The following PDE1C variants were observed in gnomAD, a reference collection of about 807,000 sequenced individuals.
PDE1C encodes the protein phosphodiesterase 1C.
A neutral mutation model predicts 93.1 loss-of-function variants in PDE1C; 62 were observed. The ratio of observed to expected loss-of-function variants is 0.67; its 90% CI spans 0.54 to 0.82. The LOEUF (loss-of-function observed/expected upper bound fraction) is 0.82, where lower values mean the gene tolerates loss of function less well. PDE1C is among the 40% of genes least tolerant of loss of function. The probability of loss-of-function intolerance (pLI) is 0.00; values close to 1 mark genes in which losing one functional copy is unlikely to be tolerated. For synonymous variants in PDE1C, 325 were observed against 310.1 expected (o/e 1.05, Z -0.50); for missense variants, 742 against 884.6 (o/e 0.84, Z 2.04).
chr7:32,242,127 T>G (rs1808583854), intron 1 of PDE1C, among the ~76,000 whole-genome samples: 1 of 152,142 alleles, frequency 6.6e-6, no homozygotes, highest in Non-Finnish European at 1.5e-5. Flanking sequence ...AATGAGGCAG[T>G]AAGCATGGTT....
In PDE1C at chr7:32,134,949, T is replaced by C. The variant is rs571774107; in HGVS notation, c.308+34836A>G. On this transcript the variant is annotated intron_variant, in intron 3 of 18. Coordinates refer to the PDE1C transcript ENST00000396193. ...ATAAATAAATAAATAAATAGTTAAC[T>C]GTGTAGCATGCAGTACCATGGATCA... 1.1e-4 allele frequency among the ~76,000 whole-genome samples: 16 copies of C among 152,222 alleles called. 1 individual carries two copies. Among genetic ancestry groups the C allele is most frequent in the Admixed American group, 2.6e-4 (4 of 15,280 alleles).
chr7:31,871,050 T>C (rs1227934987), intron 6 of PDE1C, among the ~76,000 whole-genome samples: 1 of 151,716 alleles, frequency 6.6e-6, no homozygotes, highest in Non-Finnish European at 1.5e-5. Context: ...TCCAATGGAA[T>C]AGAATAAGAA....
At chr7:31,642,576 C>A in the PDE1C span, 1 of 1,019,756 alleles carries the variant, frequency 9.8e-7, no homozygotes. Flanking sequence ...TGTTGCAACC[C>A]TTATCTCCTG....
the PDE1C span, among the ~76,000 whole-genome samples, chr7:31,682,423 G>T: frequency 6.6e-6 from 1 of 152,156 alleles, no homozygotes; most frequent in African/African-American, 2.4e-5. Context: ...AACTTGGTGA[G>T]ATATTACTTC....
At chr7:31,623,378 C>T in the PDE1C span, among the ~76,000 whole-genome samples, 30 of 151,804 alleles carry the variant, frequency 2.0e-4, no homozygotes, top group Admixed American at 3.3e-4. Flanking sequence ...AAACCGAATC[C>T]AGCAGCACAT....
At chr7:32,138,363 T>C (rs946827974) in intron 3 of PDE1C, among the ~76,000 whole-genome samples, 1 of 152,192 alleles carries the variant, frequency 6.6e-6, no homozygotes, top group African/African-American at 2.4e-5. Context: ...GATATTCCAA[T>C]ATGAGATCCT....
chr7:32,227,873 G>A (rs1451959171), intron 1 of PDE1C, among the ~76,000 whole-genome samples: 1 of 152,186 alleles, frequency 6.6e-6, no homozygotes, highest in Non-Finnish European at 1.5e-5. Flanking sequence ...GGGGAGGGGT[G>A]CATCTGGGGA....
At chr7:31,867,801 C>A (rs1201749960) in intron 6 of PDE1C, among the ~76,000 whole-genome samples, 1 of 152,102 alleles carries the variant, frequency 6.6e-6, no homozygotes. Context: ...ATGGGACAGG[C>A]ATGCTTGGCC....
At chr7:32,037,878 A>C (rs187192474) in intron 2 of PDE1C, among the ~76,000 whole-genome samples, 2 of 152,314 alleles carry the variant, frequency 1.3e-5, no homozygotes, top group Admixed American at 1.3e-4. Flanking sequence ...GAGTGGAGTC[A>C]GGTCAAAATT....
chr7:31,789,896 C>T, intron 16 of PDE1C: 1 of 1,072,930 alleles, frequency 9.3e-7, no homozygotes, highest in Non-Finnish European at 1.1e-6. Context: ...GATGTCCATT[C>T]TCATCAGGCC....
chr7:32,391,128 T>C (rs894121483), intron 1 of PDE1C, among the ~76,000 whole-genome samples: 9 of 151,634 alleles, frequency 5.9e-5, no homozygotes. Flanking sequence ...CTATATACAG[T>C]CTACAAGAGG....
intron 1 of PDE1C, among the ~76,000 whole-genome samples, chr7:32,360,592 G>A (rs1340420307): frequency 2.6e-5 from 4 of 152,210 alleles, no homozygotes; most frequent in Non-Finnish European, 5.9e-5. Flanking sequence ...GGTGTAACAG[G>A]TGGGATGGCA....
the PDE1C span, among the ~76,000 whole-genome samples, chr7:31,701,815 G>A: frequency 6.6e-6 from 1 of 152,194 alleles, no homozygotes; most frequent in Non-Finnish European, 1.5e-5. Flanking sequence ...TAGCAATAAA[G>A]TATTTTTAAA....
intron 2 of PDE1C, among the ~76,000 whole-genome samples, chr7:32,030,708 T>C (rs1391817775): frequency 6.6e-6 from 1 of 152,114 alleles, no homozygotes; most frequent in Non-Finnish European, 1.5e-5. Context: ...AATAAACCTA[T>C]TTAGAAACTT....
At chr7:31,956,652 G>A (rs1263115574) in intron 2 of PDE1C, among the ~76,000 whole-genome samples, 4 of 150,748 alleles carry the variant, frequency 2.7e-5, no homozygotes, top group African/African-American at 9.8e-5. Context: ...CAGCCACCAA[G>A]GGCAACAACA....
intron 3 of PDE1C, among the ~76,000 whole-genome samples, chr7:32,124,245 G>A (rs1280168551): frequency 6.6e-6 from 1 of 152,174 alleles, no homozygotes; most frequent in Non-Finnish European, 1.5e-5. Context: ...TCATGGGTAG[G>A]AAGAATCAAT....
intron 3 of PDE1C, among the ~76,000 whole-genome samples, chr7:32,111,534 C>G (rs1274145132): frequency 6.6e-6 from 1 of 152,076 alleles, no homozygotes; most frequent in African/African-American, 2.4e-5. Flanking sequence ...ATTGTGGAAC[C>G]ATGGTTGGGA....
chr7:32,254,909 C>A (rs1449592209), intron 1 of PDE1C, among the ~76,000 whole-genome samples: 1 of 152,216 alleles, frequency 6.6e-6, no homozygotes. Context: ...ACTCAGTAGA[C>A]AATGGCTGCC....
the PDE1C span, among the ~76,000 whole-genome samples, chr7:31,641,875 C>G: frequency 6.6e-6 from 1 of 152,224 alleles, no homozygotes; most frequent in South Asian, 2.1e-4. Context: ...TCTGGATTTT[C>G]TTTCCCTTAG....
Sources: gnomAD v4.1 joint callset for allele counts (sites outside exome capture counted in the v4.1 genomes callset) on GRCh38, gnomAD v4.1.1 for gene constraint, MANE v1.5 for transcripts, NCBI Gene and HGNC (gene_info 2026-07-23, HGNC 2026-07-21) for gene names.